DPP6: variants seen among roughly 807,000 people sequenced by gnomAD.
DPP6 encodes dipeptidyl peptidase like 6, also known as A-type potassium channel modulatory protein DPP6.
Under a neutral mutation model 122.6 loss-of-function variants are expected in DPP6, and 69 were observed. That is an observed-to-expected ratio of 0.56 (90% CI 0.46 to 0.69). The LOEUF is 0.69. DPP6 is among the 30% of genes least tolerant of loss of function. The pLI, the probability that DPP6 is intolerant of heterozygous loss-of-function variation, is 0.00. For synonymous variants in DPP6, 418 were observed against 433.1 expected, an observed-to-expected ratio of 0.97 and a Z score of 0.43; for missense variants, 928 against 1,116.9, an observed-to-expected ratio of 0.83 and a Z score of 2.41.
chr7:154,208,081 C>T (rs1799546728), intron 1 of DPP6, among the ~76,000 whole-genome samples: 1 of 152,066 alleles, frequency 6.6e-6, no homozygotes, highest in Non-Finnish European at 1.5e-5. Flanking sequence ...GTTACTGGTT[C>T]CTTGTTATTT....
At chr7:154,866,157 G>T (rs1803857699) in intron 17 of DPP6, among the ~76,000 whole-genome samples, 1 of 152,218 alleles carries the variant, frequency 6.6e-6, no homozygotes, top group Non-Finnish European at 1.5e-5. Context: ...CACGTGCAAA[G>T]GCCCTGGGGC....
At chr7:154,187,779 T>C (rs1798420568) in intron 1 of DPP6, among the ~76,000 whole-genome samples, 1 of 152,128 alleles carries the variant, frequency 6.6e-6, no homozygotes, top group East Asian at 1.9e-4. Flanking sequence ...GAAGAGGGTG[T>C]AGATGAAATC....
chr7:153,934,212 G>A (rs1801316696), intron 1 of DPP6, among the ~76,000 whole-genome samples: 1 of 152,134 alleles, frequency 6.6e-6, no homozygotes, highest in African/African-American at 2.4e-5. Flanking sequence ...TGGCGACAGG[G>A]TACTTCTGTG....
intron 2 of DPP6, among the ~76,000 whole-genome samples, chr7:154,451,361 C>CA (rs397890050): frequency 0.34 from 41,349 of 121,598 alleles, 7,389 homozygotes; most frequent in Non-Finnish European, 0.42. Flanking sequence ...CCTGTCTCAC[C>CA]AAAAAAAAAA....
At position 154,278,925 on chromosome 7, in the gene DPP6, G is replaced by A. The variant is rs977948014; in HGVS notation, c.244-167289G>A. The stretch of plus-strand genomic sequence containing the variant: ...TGTGCAATTGCATGTGTATGTATGT[G>A]TATGTATGTGTGTTTGTTGTGTGGT... On this transcript the variant is annotated intron_variant, in intron 1 of 25. Coordinates refer to ENST00000377770, the MANE Select transcript of DPP6 (RefSeq NM_130797.4). Among the ~76,000 whole-genome samples the A allele has an allele frequency of 2.0e-5, 3 of 151,796 alleles. No homozygotes were observed. The East Asian group carries it at 5.8e-4, about 29-fold the overall frequency.
chr7:153,867,461 T>C, the DPP6 span, among the ~76,000 whole-genome samples: 2 of 152,194 alleles, frequency 1.3e-5, no homozygotes, highest in African/African-American at 4.8e-5. Flanking sequence ...TGTCTGTTAT[T>C]GGTGTATAAG....
At chr7:154,018,673 G>A (rs1247561896) in intron 1 of DPP6, among the ~76,000 whole-genome samples, 1 of 152,252 alleles carries the variant, frequency 6.6e-6, no homozygotes, top group African/African-American at 2.4e-5. Flanking sequence ...ATTAAAAGAA[G>A]CATTTGTTGC....
At chr7:154,056,746 C>G (rs1173504590) in intron 1 of DPP6, among the ~76,000 whole-genome samples, 1 of 152,198 alleles carries the variant, frequency 6.6e-6, no homozygotes, top group African/African-American at 2.4e-5. Flanking sequence ...CATTTTTTTC[C>G]TCCACCTTGG....
chr7:154,536,944 G>A (rs1407173483), intron 3 of DPP6, among the ~76,000 whole-genome samples: 1 of 152,052 alleles, frequency 6.6e-6, no homozygotes, highest in Non-Finnish European at 1.5e-5. Flanking sequence ...GTGAATTAAG[G>A]CTTTATTTTT....
intron 1 of DPP6, among the ~76,000 whole-genome samples, chr7:154,033,584 C>T (rs1405231535): frequency 6.6e-6 from 1 of 152,264 alleles, no homozygotes; most frequent in Non-Finnish European, 1.5e-5. Context: ...GCTTTACATC[C>T]TCCTCATGAA....
intron 16 of DPP6, among the ~76,000 whole-genome samples, chr7:154,826,337 A>G (rs1348552001): frequency 2.6e-5 from 4 of 152,192 alleles, no homozygotes; most frequent in African/African-American, 9.7e-5. Context: ...CTTGGTCAAT[A>G]TCCCATATTA....
chr7:154,175,184 G>GT (rs1306596947), intron 1 of DPP6, among the ~76,000 whole-genome samples: 3 of 152,058 alleles, frequency 2.0e-5, no homozygotes, highest in African/African-American at 7.3e-5. Flanking sequence ...ACCCAGTGTT[G>GT]TTGGCAGAAT....
intron 6 of DPP6, among the ~76,000 whole-genome samples, chr7:154,668,066 A>C (rs1586850168): frequency 6.7e-6 from 1 of 148,562 alleles, no homozygotes. Flanking sequence ...TAGCCCCTTC[A>C]CCTTCCTTCC....
In DPP6 at chr7:154,893,596, T is replaced by G. The variant is rs558383838; in HGVS notation, c.*1116T>G. 5 of 151,632 alleles carry G rather than the reference T, an allele frequency of 3.3e-5. No individual in the cohort carries two copies. The South Asian group carries it at 1.0e-3, about 32-fold the overall frequency. The allele number at this position is 151,632 out of a possible 1,614,324, so 9.4% of individuals were successfully genotyped here. ...ATCCCTCTCCCATCGTGGGGGTGGC[T>G]CCGTGACCTTCCTGCCACGAGCAGG... On this transcript the variant is annotated 3_prime_UTR_variant, in exon 26 of 26. Coordinates refer to ENST00000377770, the MANE Select transcript of DPP6 (RefSeq NM_130797.4).
chr7:154,057,786 G>A lies in DPP6; in HGVS notation c.243+4723G>A, dbSNP rs1396440818. On this transcript the variant is annotated intron_variant, in intron 1 of 25. Coordinates refer to ENST00000377770, the MANE Select transcript of DPP6 (RefSeq NM_130797.4). ...GGCAGCCCCAGCCCTGGGGCTACCC[G>A]ATCTGACAAAGCCTTTTCCATTGTA... 33 of 150,636 alleles carry A rather than the reference G, an allele frequency of 2.2e-4. 3 individuals are homozygous for A. The highest frequency in any genetic ancestry group is 7.7e-4 in the African/African-American group (31 of 40,006). The allele number at this position is 150,636 out of a possible 1,614,324, so 9.3% of individuals were successfully genotyped here.
chr7:154,350,864 G>C (rs1481560518), intron 1 of DPP6, among the ~76,000 whole-genome samples: 3 of 152,144 alleles, frequency 2.0e-5, no homozygotes, highest in Non-Finnish European at 2.9e-5. Context: ...TGGTTAGGGG[G>C]CTTAGGAGCT....
the DPP6 span, among the ~76,000 whole-genome samples, chr7:153,830,975 T>C: frequency 6.6e-6 from 1 of 152,218 alleles, no homozygotes; most frequent in African/African-American, 2.4e-5. Flanking sequence ...CTTAACATTC[T>C]TCCTACACTT....
At chr7:154,879,606 A>AC (rs1186823263) in intron 20 of DPP6, among the ~76,000 whole-genome samples, 1 of 151,370 alleles carries the variant, frequency 6.6e-6, no homozygotes, top group Non-Finnish European at 1.5e-5. Flanking sequence ...AAAAAAAAAA[A>AC]AAAACACAAA....
chr7:154,328,005 G>A (rs1417061306), intron 1 of DPP6, among the ~76,000 whole-genome samples: 1 of 152,182 alleles, frequency 6.6e-6, no homozygotes, highest in Non-Finnish European at 1.5e-5. Context: ...TTTGGAGTTT[G>A]TTTCCTGAGA....
Sources: gnomAD v4.1 joint callset for allele counts (sites outside exome capture counted in the v4.1 genomes callset) on GRCh38, gnomAD v4.1.1 for gene constraint, MANE v1.5 for transcripts, NCBI Gene and HGNC (gene_info 2026-07-23, HGNC 2026-07-21) for gene names.